The following LIPI variants were observed in gnomAD, a reference collection of about 807,000 sequenced individuals.
The protein encoded by LIPI is lipase member I.
LIPI carries 59 observed loss-of-function variants against 50.6 expected under a neutral mutation model. The observed-to-expected ratio is 1.16, with a 90% CI of 0.94 to 1.45. The LOEUF is 1.45. Ranked by LOEUF, LIPI falls within the 40% of genes most tolerant of loss-of-function variation. LIPI has a pLI of 0.00. For synonymous variants in LIPI, 203 were observed against 178.2 expected, an observed-to-expected ratio of 1.14 and a Z score of -1.11; for missense variants, 586 against 536.3, an observed-to-expected ratio of 1.09 and a Z score of -0.92.
chr21:14,200,833 G>C (rs1035304190), intron 1 of LIPI, among the ~76,000 whole-genome samples: 1 of 152,080 alleles, frequency 6.6e-6, no homozygotes, highest in African/African-American at 2.4e-5. Context: ...AAAGAACAAG[G>C]CTGGAGGCAT....
intron 9 of LIPI, among the ~76,000 whole-genome samples, chr21:14,137,267 A>T (rs2017533140): frequency 6.6e-6 from 1 of 152,240 alleles, no homozygotes; most frequent in Non-Finnish European, 1.5e-5. Flanking sequence ...TCCTGGAGAA[A>T]CAGAACTATG....
chr21:14,188,957 A>C (rs1270102785), intron 2 of LIPI, 77 bp downstream of exon 2: 3 of 1,192,544 alleles, frequency 2.5e-6, no homozygotes, highest in Non-Finnish European at 3.7e-6. Context: ...GTGGTATTGA[A>C]TGTAACACAC....
intron 2 of LIPI, among the ~76,000 whole-genome samples, chr21:14,188,769 T>C (rs2123279506): frequency 6.6e-6 from 1 of 152,172 alleles, no homozygotes; most frequent in African/African-American, 2.4e-5. Flanking sequence ...AGAAGATTTT[T>C]AAATAAAACC....
intron 2 of LIPI, among the ~76,000 whole-genome samples, chr21:14,186,788 C>T (rs1012401738): frequency 6.6e-6 from 1 of 152,240 alleles, no homozygotes. Flanking sequence ...TCCTTCTACT[C>T]TTCCACCATG....
intron 4 of LIPI, among the ~76,000 whole-genome samples, chr21:14,180,520 T>C (rs972517248): frequency 1.3e-5 from 2 of 152,196 alleles, no homozygotes; most frequent in African/African-American, 4.8e-5. Context: ...AGAACCTACA[T>C]TGAAATATCG....
chr21:14,188,985 G>A (rs775392644), intron 2 of LIPI, 49 bp downstream of exon 2: 25 of 1,394,754 alleles, frequency 1.8e-5, no homozygotes, highest in Admixed American at 1.5e-4. Context: ...TGTATAGCAC[G>A]TATAATATAT....
At chr21:14,111,847 T>C (rs1041183851) in intron 9 of LIPI, among the ~76,000 whole-genome samples, 1 of 113,812 alleles carries the variant, frequency 8.8e-6, no homozygotes, top group Non-Finnish European at 1.9e-5. Flanking sequence ...ATTTTCATTT[T>C]GTTTTGTTTT....
At chr21:14,179,934 A>G (rs1272359223) in intron 4 of LIPI, among the ~76,000 whole-genome samples, 1 of 152,174 alleles carries the variant, frequency 6.6e-6, no homozygotes, top group Non-Finnish European at 1.5e-5. Context: ...AAAAAGAGCC[A>G]TATTTTTCTT....
chr21:14,165,694 C>T (rs1048099069), intron 5 of LIPI, among the ~76,000 whole-genome samples: 5 of 152,206 alleles, frequency 3.3e-5, no homozygotes, highest in Non-Finnish European at 7.3e-5. Flanking sequence ...CTAGTGTACA[C>T]ATCTTTTCCT....
rs565943075 is a variant in LIPI at position 14,194,512 on chromosome 21, A to G, written c.47-5093T>C. Among the ~76,000 whole-genome samples, 7 of 152,302 alleles carry G rather than the reference A, an allele frequency of 4.6e-5. No individual in the cohort carries two copies. In the South Asian group the frequency reaches 1.5e-3, roughly 32 times the overall value. On this transcript the variant is annotated intron_variant, in intron 1 of 9. Transcript: ENST00000681601. ...CATACTACAATAAGAATAACTTTGAAGACATTATGTCAAGTGAAAATAAAC... is the reference window on the plus strand; with the variant it reads ...CATACTACAATAAGAATAACTTTGAGGACATTATGTCAAGTGAAAATAAAC...
At chr21:14,138,911 T>G (rs1386580191) in intron 9 of LIPI, among the ~76,000 whole-genome samples, 1 of 152,086 alleles carries the variant, frequency 6.6e-6, no homozygotes, top group African/African-American at 2.4e-5. Flanking sequence ...TTTAATCTTC[T>G]TAACAATTCT....
In LIPI at chr21:14,109,015, G is replaced by T; in HGVS notation, c.1361C>A (p.Thr454Lys). The T allele has an allele frequency of 6.2e-7, 1 of 1,606,412 alleles. No individual in the cohort carries two copies. The highest frequency in any genetic ancestry group is 8.5e-7 in the Non-Finnish European group (1 of 1,173,392). The change falls in exon 10 of 10, where the codon ACA becomes AAA. Residue 454 changes from threonine (T) to lysine (K), a missense_variant. Physicochemically the swap from Thr to Lys is moderately conservative, Grantham distance 78. Transcript: ENST00000681601. The stretch of plus-strand genomic sequence containing the variant: ...ATCTTATGTGTTCTTTGGTGTACAT[G>T]TGTTTGGATTAAGAAACACTTCCTC... ...DREEVFLNPN[T>K]CTPKNT is the part of the protein sequence containing the mutation.
At chr21:14,150,980 T>C (rs1420167204) in intron 8 of LIPI, among the ~76,000 whole-genome samples, 1 of 152,210 alleles carries the variant, frequency 6.6e-6, no homozygotes, top group East Asian at 1.9e-4. Context: ...AAATTACATT[T>C]ATACAATCTA....
chr21:14,111,628 C>T (rs1222141003), intron 9 of LIPI, among the ~76,000 whole-genome samples: 1 of 151,874 alleles, frequency 6.6e-6, no homozygotes, highest in Non-Finnish European at 1.5e-5. Context: ...GCATTTGTTG[C>T]CTGTGCTTTT....
chr21:14,176,771 A>T (rs1187788970), intron 4 of LIPI, among the ~76,000 whole-genome samples: 4 of 142,142 alleles, frequency 2.8e-5, no homozygotes, highest in Admixed American at 7.0e-5. Flanking sequence ...AGCTCTGATT[A>T]TATTTATTTA....
intron 3 of LIPI, among the ~76,000 whole-genome samples, chr21:14,184,497 A>T (rs4597625): frequency 0.51 from 76,779 of 151,888 alleles, 19,862 homozygotes; most frequent in Non-Finnish European, 0.56. Flanking sequence ...TTTAAAAAAA[A>T]TTTAAATAAA....
intron 1 of LIPI, among the ~76,000 whole-genome samples, chr21:14,195,825 TGTC>T (rs2019825016): frequency 6.6e-6 from 1 of 152,096 alleles, no homozygotes; most frequent in African/African-American, 2.4e-5. Context: ...GATGGCATAA[TGTC>T]TAAGAAGCTC....
intron 1 of LIPI, among the ~76,000 whole-genome samples, chr21:14,196,834 C>G (rs955266537): frequency 6.6e-6 from 1 of 151,774 alleles, no homozygotes; most frequent in Non-Finnish European, 1.5e-5. Flanking sequence ...TCAACAACAA[C>G]AACAAAAAAT....
intron 1 of LIPI, among the ~76,000 whole-genome samples, chr21:14,203,152 T>C (rs2020117917): frequency 6.6e-6 from 1 of 152,100 alleles, no homozygotes; most frequent in African/African-American, 2.4e-5. Context: ...TCACACCAGC[T>C]AGAATGGTGA....
Sources: allele counts gnomAD v4.1 joint callset (sites outside exome capture counted in the v4.1 genomes callset), GRCh38; gene constraint gnomAD v4.1.1; transcripts MANE v1.5; gene names NCBI Gene and HGNC (gene_info 2026-07-23, HGNC 2026-07-21).